Variants in SYNJ2 observed in about 807,000 individuals in gnomAD.
SYNJ2 encodes the protein synaptojanin 2, also known as polyphosphatidylinositol phosphatase SYNJ2.
In SYNJ2, 116 loss-of-function variants were observed where a neutral mutation model predicts 141.3. The ratio of observed to expected loss-of-function variants is 0.82; its 90% confidence interval spans 0.71 to 0.96. The LOEUF is 0.96. Ranked by LOEUF, SYNJ2 falls within the 40% of genes least tolerant of loss-of-function variation. SYNJ2 has a pLI of 0.00. For synonymous variants in SYNJ2, 745 were observed against 777.7 expected (o/e 0.96, Z 0.70); for missense variants, 1,873 against 1,934.8 (o/e 0.97, Z 0.60).
intron 2 of SYNJ2, among the ~76,000 whole-genome samples, chr6:158,025,417 T>G (rs1778988661): frequency 6.6e-6 from 1 of 152,198 alleles, no homozygotes; most frequent in African/African-American, 2.4e-5. Flanking sequence ...GGTTCACACC[T>G]GTAATCCCAG....
chr6:158,024,907 T>C (rs1778958987), intron 2 of SYNJ2, among the ~76,000 whole-genome samples: 1 of 152,224 alleles, frequency 6.6e-6, no homozygotes, highest in Non-Finnish European at 1.5e-5. Context: ...GTTTTAGTTT[T>C]ACGTGTCAAT....
intron 1 of SYNJ2, among the ~76,000 whole-genome samples, chr6:158,009,368 A>G (rs1257358590): frequency 6.7e-6 from 1 of 148,434 alleles, no homozygotes; most frequent in African/African-American, 2.5e-5. Context: ...TCATCCATTC[A>G]TTCCTCCTGT....
intron 1 of SYNJ2, among the ~76,000 whole-genome samples, chr6:157,994,039 TCTC>T (rs1777555206): frequency 6.6e-6 from 1 of 151,878 alleles, no homozygotes; most frequent in Non-Finnish European, 1.5e-5. Flanking sequence ...ATGGTCTCGA[TCTC>T]CTGACCTCTT....
At chr6:158,085,664 G>A (rs939704969) in intron 22 of SYNJ2, among the ~76,000 whole-genome samples, 2 of 152,186 alleles carry the variant, frequency 1.3e-5, no homozygotes, top group Admixed American at 6.5e-5. Context: ...TGCCTATACC[G>A]AACCATCAGG....
At chr6:158,076,825 A>G in intron 17 of SYNJ2, 43 bp downstream of exon 17, 1 of 1,571,674 alleles carries the variant, frequency 6.4e-7, no homozygotes, top group Non-Finnish European at 8.6e-7. Context: ...GAGGGTGAAT[A>G]AGAAATGCGA....
chr6:158,081,559 T>A, intron 20 of SYNJ2, 49 bp downstream of exon 20: 1 of 1,428,346 alleles, frequency 7.0e-7, no homozygotes, highest in Non-Finnish European at 9.8e-7. Context: ...TCAATCCCTC[T>A]TTTTATGTGG....
chr6:158,093,252 G>A (rs1240118281), intron 26 of SYNJ2, 148 bp downstream of exon 26: 3 of 846,244 alleles, frequency 3.5e-6, no homozygotes, highest in Non-Finnish European at 5.3e-6. Context: ...TGACCAACAT[G>A]GTGTGAAACC....
At chr6:158,064,118 C>A (rs1470106002) in intron 9 of SYNJ2, among the ~76,000 whole-genome samples, 2 of 152,218 alleles carry the variant, frequency 1.3e-5, no homozygotes, top group Non-Finnish European at 2.9e-5. Flanking sequence ...ACATGGTGGC[C>A]CAAAGGCTCC....
chr6:157,999,447 G>A (rs146111442), intron 1 of SYNJ2, among the ~76,000 whole-genome samples: 278 of 152,360 alleles, frequency 1.8e-3, no homozygotes, highest in African/African-American at 6.5e-3. Context: ...GGTTGTCTCT[G>A]TACAGGCTCT....
chr6:158,075,961 C>T (rs955764933), intron 16 of SYNJ2, among the ~76,000 whole-genome samples: 8 of 152,096 alleles, frequency 5.3e-5, no homozygotes, highest in Admixed American at 2.6e-4. Flanking sequence ...GACTGTAAGG[C>T]GGGAGGATTG....
rs116914794 is a variant in SYNJ2, at chr6:157,997,565, G to A, written c.127+15477G>A. ...GGGAAGATGCTCCTACCCACGCCTT[G>A]ATCTTGGATTTCTGGCCTCCAGAAC... is the stretch of plus-strand genomic sequence containing the variant. On this transcript the variant is annotated intron_variant, in intron 1 of 26. Coordinates refer to ENST00000355585, the MANE Select transcript of SYNJ2 (RefSeq NM_003898.4). Among the ~76,000 whole-genome samples the A allele has an allele frequency of 7.1e-3, 1,079 of 152,280 alleles. 6 individuals are homozygous for A. The highest frequency in any genetic ancestry group is 0.012 in the Non-Finnish European group (834 of 68,026).
At chr6:158,075,823 A>G (rs915517696) in intron 16 of SYNJ2, among the ~76,000 whole-genome samples, 4 of 152,110 alleles carry the variant, frequency 2.6e-5, no homozygotes, top group Admixed American at 1.3e-4. Flanking sequence ...TCTTCCTACT[A>G]CCAACATTCT....
intron 1 of SYNJ2, among the ~76,000 whole-genome samples, chr6:157,988,136 G>T (rs1399499749): frequency 1.3e-5 from 2 of 152,266 alleles, no homozygotes; most frequent in African/African-American, 4.8e-5. Flanking sequence ...GCCTCAGGCA[G>T]ACTGTGCAGC....
chr6:158,055,849 G>A (rs1431344470), intron 6 of SYNJ2, among the ~76,000 whole-genome samples: 2 of 152,082 alleles, frequency 1.3e-5, no homozygotes, highest in Admixed American at 6.5e-5. Flanking sequence ...CATGTAATGC[G>A]CTTTTCTTTA....
chr6:158,017,907 A>T, intron 2 of SYNJ2: 1 of 410,948 alleles, frequency 2.4e-6, no homozygotes, highest in Non-Finnish European at 5.0e-6. Flanking sequence ...CGAGGGCCTA[A>T]GTGTTTCGAA....
At chr6:157,993,797 GTTTTTTTTTT>G (rs61529071) in intron 1 of SYNJ2, among the ~76,000 whole-genome samples, 15 of 47,966 alleles carry the variant, frequency 3.1e-4, no homozygotes, top group African/African-American at 9.8e-4. Flanking sequence ...AAATGTGTGG[GTTTTTTTTTT>G]TTTTTTTTTT....
intron 16 of SYNJ2, 107 bp downstream of exon 16, chr6:158,074,845 C>T (rs1782167184): frequency 3.0e-6 from 4 of 1,316,916 alleles, no homozygotes; most frequent in Non-Finnish European, 4.2e-6. Context: ...GTGGATTTCA[C>T]TGTTTCCAAC....
At position 158,043,574 on chromosome 6, in the gene SYNJ2, A is replaced by G. The variant is rs575443161; in HGVS notation, c.795+175A>G. ...TCAAAGTGTGCACACGTGTGTGCAT[A>G]TGCATGCGTGCGTGTGTGTAGAAAA... On this transcript the variant is annotated intron_variant, in intron 5 of 26. Transcript: ENST00000355585. The surrounding 1 kb of genome is among the most constrained non-coding windows in gnomAD (Gnocchi z 4.0). Among the ~76,000 whole-genome samples, 14 of 152,282 alleles carry G rather than the reference A, an allele frequency of 9.2e-5. No homozygotes were observed. The South Asian group carries it at 2.9e-3, about 32-fold the overall frequency.
chr6:158,054,936 G>A (rs1342897453), intron 5 of SYNJ2, 31 bp from the exon 6 acceptor site: 4 of 1,611,436 alleles, frequency 2.5e-6, no homozygotes, highest in Non-Finnish European at 3.4e-6. Context: ...AGAGAAGGAA[G>A]AATCACTGTT....
Sources: gnomAD v4.1 joint callset for allele counts (sites outside exome capture counted in the v4.1 genomes callset) on GRCh38, gnomAD v4.1.1 for gene constraint, Gnocchi (gnomAD v3.1) non-coding constraint, MANE v1.5 for transcripts, NCBI Gene and HGNC (gene_info 2026-07-23, HGNC 2026-07-21) for gene names.